Variants in SULT2B1 observed in about 807,000 individuals in gnomAD.
The protein encoded by SULT2B1 is sulfotransferase family 2B member 1.
A neutral mutation model predicts 33.2 loss-of-function variants in SULT2B1; 16 were observed. The ratio of observed to expected loss-of-function variants is 0.48; its 90% confidence interval spans 0.33 to 0.73. The LOEUF is 0.73. Ranked by LOEUF, SULT2B1 falls within the 30% of genes least tolerant of loss-of-function variation. SULT2B1 has a pLI of 0.02. For missense variants in SULT2B1, 500 were observed against 506.0 expected (o/e 0.99, Z 0.11); for synonymous variants, 186 against 200.5 (o/e 0.93, Z 0.61).
chr19:48,576,899 C>A (rs1035732406), intron 2 of SULT2B1, among the ~76,000 whole-genome samples: 11 of 151,716 alleles, frequency 7.3e-5, no homozygotes, highest in Non-Finnish European at 1.6e-4. Flanking sequence ...CCTCAGCCTC[C>A]CAAAGTGCTG....
chr19:48,591,157 C>T (rs1420659615), intron 3 of SULT2B1: 1 of 153,296 alleles, frequency 6.5e-6, no homozygotes, highest in Non-Finnish European at 1.5e-5. Flanking sequence ...AGCCTCCCTC[C>T]CTTTATGCCT....
intron 1 of SULT2B1, among the ~76,000 whole-genome samples, chr19:48,561,211 C>T (rs894364403): frequency 6.6e-6 from 1 of 151,718 alleles, no homozygotes; most frequent in Non-Finnish European, 1.5e-5. Flanking sequence ...AGGCGGATCA[C>T]CTGAGGTGGG....
chr19:48,559,801 G>A (rs945240104), intron 1 of SULT2B1, among the ~76,000 whole-genome samples: 1 of 152,072 alleles, frequency 6.6e-6, no homozygotes, highest in South Asian at 2.1e-4. Flanking sequence ...ATCTGGGAAA[G>A]TGGGGACCGT....
chr19:48,561,134 A>G (rs1362726863), intron 1 of SULT2B1, among the ~76,000 whole-genome samples: 1 of 151,770 alleles, frequency 6.6e-6, no homozygotes, highest in Non-Finnish European at 1.5e-5. Flanking sequence ...TCTTGTCTCA[A>G]AAAAATAAAT....
At chr19:48,554,925 C>G (rs900304405) in intron 1 of SULT2B1, among the ~76,000 whole-genome samples, 4 of 151,890 alleles carry the variant, frequency 2.6e-5, no homozygotes, top group African/African-American at 9.7e-5. Flanking sequence ...GGAAGCCTGA[C>G]TGTTATCATG....
At chr19:48,570,167 C>T (rs1436011272) in intron 1 of SULT2B1, among the ~76,000 whole-genome samples, 3 of 134,494 alleles carry the variant, frequency 2.2e-5, no homozygotes, top group African/African-American at 8.8e-5. Context: ...CTGTGGGAAC[C>T]GCCGGTTTGT....
intron 2 of SULT2B1, among the ~76,000 whole-genome samples, chr19:48,581,716 C>T (rs1326253271): frequency 1.3e-5 from 2 of 151,592 alleles, no homozygotes; most frequent in Non-Finnish European, 2.9e-5. Flanking sequence ...CTCGGCCTCC[C>T]AAAGTGCTGG....
Position 48,599,200 on chromosome 19 carries a change from C to G in SULT2B1, c.892C>G (p.Arg298Gly), listed in dbSNP as rs749037593. ...AQSEAFDRAY[R>G]KQMRGMPTFP... ...GAGCGAAGCCTTCGATCGTGCCTACCGCAAGCAGATGCGGGGGATGCCGAC... is the reference window on the plus strand; with the variant it reads ...GAGCGAAGCCTTCGATCGTGCCTACGGCAAGCAGATGCGGGGGATGCCGAC... The change falls in exon 7 of 7, where the codon CGC becomes GGC. Residue 298 changes from arginine (R) to glycine (G), a missense_variant. Physicochemically the swap from Arg to Gly is moderately radical, Grantham distance 125. Coordinates refer to ENST00000201586, the MANE Select transcript of SULT2B1 (RefSeq NM_177973.2). The surrounding 1 kb of genome is among the most constrained non-coding windows in gnomAD (Gnocchi z 4.1). 1 of 1,605,094 alleles carries G rather than the reference C, an allele frequency of 6.2e-7. No individual in the cohort carries two copies. Among genetic ancestry groups the G allele is most frequent in the Non-Finnish European group, 8.5e-7 (1 of 1,177,734 alleles).
chr19:48,594,852 C>T (rs1412185821), intron 5 of SULT2B1, among the ~76,000 whole-genome samples: 3 of 151,834 alleles, frequency 2.0e-5, no homozygotes, highest in African/African-American at 4.8e-5. Context: ...AATCCTGTCT[C>T]TATTAAAAAT....
rs765620600 is a variant in SULT2B1 at position 48,588,716 on chromosome 19, T to C, written c.423+1279T>C. 1.3e-3 allele frequency among the ~76,000 whole-genome samples: 199 copies of C among 151,744 alleles called. 1 individual carries two copies. Among genetic ancestry groups the C allele is most frequent in the Non-Finnish European group, 2.2e-3 (151 of 67,934 alleles). Reference sequence around the variant, plus strand: ...GTTAGAGGTGGGTGTGGGGCTGCAATTATAAATAAGGAGGTCAAGGGGGCC... The same window carrying C: ...GTTAGAGGTGGGTGTGGGGCTGCAACTATAAATAAGGAGGTCAAGGGGGCC... On this transcript the variant is annotated intron_variant, in intron 3 of 6. Transcript: ENST00000201586.
At chr19:48,569,456 CTAT>C (rs376723712) in intron 1 of SULT2B1, among the ~76,000 whole-genome samples, 96,720 of 144,948 alleles carry the variant, frequency 0.67, 32,578 homozygotes, top group African/African-American at 0.76. Context: ...TCAGTGACAT[CTAT>C]CTGTAATCCC....
intron 2 of SULT2B1, among the ~76,000 whole-genome samples, chr19:48,584,138 A>G (rs948815679): frequency 5.9e-5 from 9 of 152,254 alleles, no homozygotes; most frequent in Admixed American, 2.6e-4. Flanking sequence ...CACACACAGG[A>G]ATAGCTAAAA....
chr19:48,558,656 CTTTTTCTTTTTTCTTTTCTTTTCTTTTT>C (rs1400068220), intron 1 of SULT2B1, among the ~76,000 whole-genome samples: 11 of 148,096 alleles, frequency 7.4e-5, no homozygotes, highest in Non-Finnish European at 3.0e-5. Flanking sequence ...CATGAGGCTG[CTTTTTCTTTTTTCTTTTCTTTTCTTTTT>C]TTTTTTTTTT....
chr19:48,583,558 C>T (rs1973522369), intron 2 of SULT2B1, among the ~76,000 whole-genome samples: 1 of 152,262 alleles, frequency 6.6e-6, no homozygotes, highest in Admixed American at 6.5e-5. Context: ...TGGCTCATGC[C>T]TGTAATCCCA....
At chr19:48,585,721 C>G (rs879340953) in intron 2 of SULT2B1, among the ~76,000 whole-genome samples, 1 of 151,850 alleles carries the variant, frequency 6.6e-6, no homozygotes, top group African/African-American at 2.4e-5. Flanking sequence ...GGAGATATAC[C>G]TAATGTTAAA....
At chr19:48,591,343 C>G in intron 3 of SULT2B1, 1 of 305,744 alleles carries the variant, frequency 3.3e-6, no homozygotes, top group Non-Finnish European at 6.2e-6. Flanking sequence ...TGGTGGCACG[C>G]TCCTGTAGTC....
rs879507532 is a variant in SULT2B1, at chr19:48,576,354, C to CTTT, written c.214+273_214+274insTTT. On this transcript the variant is annotated intron_variant, in intron 2 of 6. Transcript: ENST00000201586. ...TCCTCCCTTTCCCCTTTACCCTCTACTTCTCTTTTTTTTTTTTTTTTTTGT... is the reference window on the plus strand; with the variant it reads ...TCCTCCCTTTCCCCTTTACCCTCTACTTTTTCTCTTTTTTTTTTTTTTTTTTGT... 1.0e-3 allele frequency among the ~76,000 whole-genome samples: 83 copies of CTTT among 79,884 alleles called. 5 individuals are homozygous for CTTT. Among genetic ancestry groups the CTTT allele is most frequent in the African/African-American group, 1.9e-3 (34 of 18,228 alleles). The allele number at this position is 79,884 out of a possible 152,430, so 52.4% of individuals were successfully genotyped here. A position where few individuals can be genotyped will look rare whatever the true frequency, so the allele number is the denominator to read the frequency against.
intron 1 of SULT2B1, among the ~76,000 whole-genome samples, chr19:48,568,608 C>G (rs1444562550): frequency 6.6e-6 from 1 of 152,168 alleles, no homozygotes; most frequent in Non-Finnish European, 1.5e-5. Context: ...GCGGGGAGAA[C>G]AGCCCGGACA....
intron 1 of SULT2B1, among the ~76,000 whole-genome samples, chr19:48,573,548 G>T (rs997923964): frequency 5.3e-5 from 8 of 152,058 alleles, no homozygotes; most frequent in African/African-American, 1.9e-4. Context: ...CTGGCTCTGC[G>T]CTCAGGCCCA....
Sources: gnomAD v4.1 joint callset for allele counts (sites outside exome capture counted in the v4.1 genomes callset) on GRCh38, gnomAD v4.1.1 for gene constraint, Gnocchi (gnomAD v3.1) non-coding constraint, MANE v1.5 for transcripts, NCBI Gene and HGNC (gene_info 2026-07-23, HGNC 2026-07-21) for gene names.